PHEX: variants seen among roughly 807,000 people sequenced by gnomAD.
PHEX encodes phosphate-regulating neutral endopeptidase PHEX.
PHEX carries 16 observed loss-of-function variants against 68.0 expected under a neutral mutation model. The observed-to-expected ratio is 0.24, with a 90% CI of 0.16 to 0.36. PHEX has a LOEUF of 0.36. PHEX is among the 10% of genes least tolerant of loss of function. PHEX has a pLI of 1.00. For synonymous variants in PHEX, 208 were observed against 205.1 expected (o/e 1.01, Z -0.12); for missense variants, 480 against 575.5 (o/e 0.83, Z 1.70).
At chrX:22,144,498 T>G (rs1932599886) in intron 12 of PHEX, among the ~76,000 whole-genome samples, 1 of 111,329 alleles carries the variant, frequency 9.0e-6, no homozygotes, top group Non-Finnish European at 1.9e-5. Flanking sequence ...TTTCATCTAC[T>G]CCCCTACTTG....
intron 21 of PHEX, among the ~76,000 whole-genome samples, chrX:22,246,009 A>G (rs1475515034): frequency 8.9e-6 from 1 of 111,971 alleles, no homozygotes; most frequent in Non-Finnish European, 1.9e-5. Flanking sequence ...AAAGGAGGAT[A>G]CAAAGTATTA....
chrX:22,144,803 C>T (rs1932616180), intron 12 of PHEX, among the ~76,000 whole-genome samples: 1 of 109,262 alleles, frequency 9.2e-6, no homozygotes, highest in Non-Finnish European at 1.9e-5. Context: ...CTGCATATTG[C>T]AGTCAATAGG....
intron 12 of PHEX, among the ~76,000 whole-genome samples, chrX:22,153,216 TG>T (rs999327899): frequency 2.7e-5 from 3 of 111,716 alleles, no homozygotes; most frequent in African/African-American, 9.8e-5. Flanking sequence ...CTCGAACTCC[TG>T]GGCTCAAGCC....
At chrX:22,059,530 C>G (rs1928268461) in intron 3 of PHEX, among the ~76,000 whole-genome samples, 1 of 112,175 alleles carries the variant, frequency 8.9e-6, no homozygotes, top group African/African-American at 3.2e-5. Flanking sequence ...ACCTGTTTTT[C>G]TTTGTAAGCC....
intron 12 of PHEX, among the ~76,000 whole-genome samples, chrX:22,156,685 C>G (rs980832220): frequency 1.3e-4 from 14 of 109,984 alleles, no homozygotes; most frequent in Non-Finnish European, 2.5e-4. Flanking sequence ...GGGCTGTTAT[C>G]ATTTTGGTTA....
At chrX:22,217,695 A>C (rs1277894384) in intron 16 of PHEX, among the ~76,000 whole-genome samples, 1 of 111,601 alleles carries the variant, frequency 9.0e-6, no homozygotes, top group Non-Finnish European at 1.9e-5. Flanking sequence ...ATACATACAG[A>C]TCTGTCACTT....
At chrX:22,245,591 A>C (rs1936368770) in intron 21 of PHEX, among the ~76,000 whole-genome samples, 182 bp downstream of exon 21, 1 of 111,499 alleles carries the variant, frequency 9.0e-6, no homozygotes, top group South Asian at 3.8e-4. Flanking sequence ...ATCTTCTTTC[A>C]TTAGTAGTAA....
chrX:22,090,587 G>A, intron 6 of PHEX, 90 bp downstream of exon 6: 1 of 615,260 alleles, frequency 1.6e-6, no homozygotes, highest in South Asian at 2.3e-5. Flanking sequence ...TTGGAAATGA[G>A]CAGTGTGGCT....
chrX:22,161,166 T>C (rs12859953), intron 12 of PHEX, among the ~76,000 whole-genome samples: 1 of 112,462 alleles, frequency 8.9e-6, no homozygotes, highest in Non-Finnish European at 1.9e-5. Flanking sequence ...ATGGATTTTA[T>C]ATCTTGCTTA....
intron 14 of PHEX, among the ~76,000 whole-genome samples, chrX:22,185,106 T>C (rs950242895): frequency 6.2e-5 from 7 of 112,130 alleles, no homozygotes; most frequent in African/African-American, 2.3e-4. Flanking sequence ...ATTCCTTTTA[T>C]GTATCTCATT....
At chrX:22,081,959 A>T (rs1602277903) in intron 5 of PHEX, among the ~76,000 whole-genome samples, 1 of 111,809 alleles carries the variant, frequency 8.9e-6, no homozygotes, top group Non-Finnish European at 1.9e-5. Flanking sequence ...GTTAATGAAG[A>T]CAACAACTTA....
chrX:22,237,255 C>T (rs1291691041), intron 20 of PHEX, among the ~76,000 whole-genome samples: 1 of 111,717 alleles, frequency 9.0e-6, no homozygotes, highest in Non-Finnish European at 1.9e-5. Context: ...AAATCAAATG[C>T]CAGAAACAAC....
intron 20 of PHEX, among the ~76,000 whole-genome samples, chrX:22,236,518 T>TATAAA (rs1935985525): frequency 8.8e-6 from 1 of 113,016 alleles, no homozygotes; most frequent in African/African-American, 3.2e-5. Flanking sequence ...GGGTCAGATA[T>TATAAA]ATAAAATAAG....
chrX:22,062,797 G>T (rs934013653), intron 3 of PHEX, among the ~76,000 whole-genome samples: 2 of 111,321 alleles, frequency 1.8e-5, no homozygotes, highest in Admixed American at 9.6e-5. Context: ...GTCTTGCTCT[G>T]TTGCCCAGGC....
intron 20 of PHEX, among the ~76,000 whole-genome samples, chrX:22,229,051 G>A (rs1935613545): frequency 8.9e-6 from 1 of 111,850 alleles, no homozygotes; most frequent in African/African-American, 3.3e-5. Context: ...TCCCTGCAAA[G>A]AACATGAGCT....
At chrX:22,116,734 C>T (rs903747159) in intron 11 of PHEX, among the ~76,000 whole-genome samples, 10 of 111,189 alleles carry the variant, frequency 9.0e-5, no homozygotes, top group African/African-American at 3.3e-4. Flanking sequence ...TGTCCCAGCA[C>T]GTACTGAGTA....
intron 12 of PHEX, among the ~76,000 whole-genome samples, chrX:22,152,143 T>A (rs1280311489): frequency 9.0e-6 from 1 of 111,658 alleles, no homozygotes; most frequent in East Asian, 2.8e-4. Flanking sequence ...TAAATTAATC[T>A]AGGTGAGAAG....
At chrX:22,147,461 T>A (rs1480192871) in intron 12 of PHEX, among the ~76,000 whole-genome samples, 2 of 110,825 alleles carry the variant, frequency 1.8e-5, no homozygotes, top group East Asian at 5.7e-4. Context: ...TACAGGAATG[T>A]CATTTCCATT....
chrX:22,227,483 C>T (rs1323434246), intron 19 of PHEX, 24 bp from the exon 20 acceptor site: 3 of 1,055,477 alleles, frequency 2.8e-6, no homozygotes, highest in East Asian at 3.0e-5. Flanking sequence ...TGCAGAGACT[C>T]ATCTCTTCTT....
Sources: gnomAD v4.1 joint callset for allele counts (sites outside exome capture counted in the v4.1 genomes callset) on GRCh38, gnomAD v4.1.1 for gene constraint, MANE v1.5 for transcripts, NCBI Gene and HGNC (gene_info 2026-07-23, HGNC 2026-07-21) for gene names.